The following MBD3L1 variants were observed in gnomAD, a reference collection of about 807,000 sequenced individuals.
MBD3L1 encodes methyl-CpG binding domain protein 3 like 1.
For missense variants in MBD3L1, 203 were observed against 230.1 expected, an observed-to-expected ratio of 0.88 and a Z score of 0.76; for synonymous variants, 84 against 85.1, an observed-to-expected ratio of 0.99 and a Z score of 0.07.
chr19:8,839,284 AC>A (rs1435505819), intron 1 of MBD3L1, among the ~76,000 whole-genome samples: 1 of 143,964 alleles, frequency 6.9e-6, no homozygotes, highest in Admixed American at 7.2e-5. Context: ...TCCCAGGTTC[AC>A]GCCATTCTCC....
intron 2 of MBD3L1, chr19:8,842,454 G>A: frequency 1.9e-6 from 1 of 519,486 alleles, no homozygotes; most frequent in Non-Finnish European, 3.4e-6. Flanking sequence ...AACAAGGAGG[G>A]GGTTTGCAGG....
intron 1 of MBD3L1, among the ~76,000 whole-genome samples, chr19:8,836,969 T>G (rs956673653): frequency 2.0e-5 from 3 of 152,326 alleles, no homozygotes; most frequent in East Asian, 1.9e-4. Context: ...ACAAAGGCTA[T>G]GAACCACACA....
intron 1 of MBD3L1, among the ~76,000 whole-genome samples, chr19:8,832,838 C>G (rs1216414296): frequency 6.6e-6 from 1 of 151,772 alleles, no homozygotes; most frequent in Non-Finnish European, 1.5e-5. Context: ...TGTGACAGCC[C>G]TGGAGGTTGG....
chr19:8,834,469 G>C (rs759782567), intron 1 of MBD3L1, among the ~76,000 whole-genome samples: 2 of 151,990 alleles, frequency 1.3e-5, no homozygotes, highest in Non-Finnish European at 2.9e-5. Flanking sequence ...TTAGCTGGGC[G>C]TGGTGGCGGG....
Position 8,834,477 on chromosome 19 carries a change from G to T in MBD3L1, c.-107+1955G>T, listed in dbSNP as rs538872795. Among the ~76,000 whole-genome samples the T allele has an allele frequency of 9.6e-4, 145 of 151,824 alleles. 3 individuals carry two copies. The highest frequency in any genetic ancestry group is 3.4e-3 in the African/African-American group (139 of 41,428). On this transcript the variant is annotated intron_variant, in intron 1 of 2. Coordinates refer to ENST00000595891, the MANE Select transcript of MBD3L1 (RefSeq NM_001393532.1). ...ACCAAAATTAGCTGGGCGTGGTGGC[G>T]GGCGCCTATAGTCCCAGCTACTCGG...
chr19:8,837,416 G>A (rs2145346185), intron 1 of MBD3L1, among the ~76,000 whole-genome samples: 1 of 152,300 alleles, frequency 6.6e-6, no homozygotes, highest in East Asian at 1.9e-4. Flanking sequence ...TTACAATCGG[G>A]ATATATTGTT....
At chr19:8,834,361 G>A (rs1181194089) in intron 1 of MBD3L1, among the ~76,000 whole-genome samples, 10 of 152,082 alleles carry the variant, frequency 6.6e-5, no homozygotes, top group Admixed American at 6.5e-4. Flanking sequence ...TGTAACCCCA[G>A]CACTTTGGGA....
intron 2 of MBD3L1, among the ~76,000 whole-genome samples, chr19:8,841,800 G>A (rs371403051): frequency 3.9e-5 from 6 of 152,030 alleles, no homozygotes; most frequent in African/African-American, 7.2e-5. Context: ...CAAGCGATTC[G>A]CCTGCCTTGG....
At position 8,842,452 on chromosome 19, in the gene MBD3L1, G is replaced by A. The variant is rs2044523123; in HGVS notation, c.-21-206G>A. 1.2e-5 allele frequency: 6 copies of A among 515,434 alleles called. No individual in the cohort carries two copies. In the South Asian group the frequency reaches 1.6e-4, roughly 14 times the overall value. 31.9% of individuals were successfully genotyped at this position (515,434 alleles called of 1,614,324 possible). ...GAATAAAATAGTACTCAAACAAGGA[G>A]GGGGTTTGCAGGATGATGAAGGAGA... On this transcript the variant is annotated intron_variant, in intron 2 of 2. Coordinates refer to ENST00000595891, the MANE Select transcript of MBD3L1 (RefSeq NM_001393532.1).
In MBD3L1 at chr19:8,840,514, T is replaced by C. The variant is rs1472232784; in HGVS notation, c.-106-401T>C. 2.6e-5 allele frequency among the ~76,000 whole-genome samples: 4 copies of C among 152,270 alleles called. No individual in the cohort carries two copies. In the East Asian group the frequency reaches 7.7e-4, roughly 29 times the overall value. ...AGATGGGGGTCCCCCTACGTTGCCC[T>C]GACTGGTCTCAAACTCCTGTGTTCA... On this transcript the variant is annotated intron_variant, in intron 1 of 2. Coordinates refer to ENST00000595891, the MANE Select transcript of MBD3L1 (RefSeq NM_001393532.1).
At chr19:8,842,090 G>A (rs973988845) in intron 2 of MBD3L1, among the ~76,000 whole-genome samples, 2 of 152,122 alleles carry the variant, frequency 1.3e-5, no homozygotes, top group Non-Finnish European at 2.9e-5. Context: ...CACTTTGGGA[G>A]GTCGAGGGGG....
intron 1 of MBD3L1, among the ~76,000 whole-genome samples, chr19:8,839,170 T>C (rs1206574213): frequency 1.1e-4 from 15 of 139,594 alleles, no homozygotes; most frequent in Non-Finnish European, 2.0e-4. Context: ...GATTTTCTTT[T>C]TTTTCTTTTC....
chr19:8,842,060 G>A (rs8101173), intron 2 of MBD3L1, among the ~76,000 whole-genome samples: 3,780 of 151,994 alleles, frequency 0.025, 184 homozygotes, highest in African/African-American at 0.086. Context: ...GGGCACGGTC[G>A]CCCATGCCTG....
chr19:8,840,012 T>C (rs1017651897), intron 1 of MBD3L1, among the ~76,000 whole-genome samples: 1 of 151,934 alleles, frequency 6.6e-6, no homozygotes, highest in Non-Finnish European at 1.5e-5. Flanking sequence ...CGAAACCCCA[T>C]CGCTACTAAA....
At chr19:8,840,307 T>A (rs1309249415) in intron 1 of MBD3L1, among the ~76,000 whole-genome samples, 1 of 151,880 alleles carries the variant, frequency 6.6e-6, no homozygotes, top group African/African-American at 2.4e-5. Flanking sequence ...AGGAAACATA[T>A]TTATGTATTT....
At chr19:8,840,685 C>T (rs984900159) in intron 1 of MBD3L1, among the ~76,000 whole-genome samples, 6 of 152,204 alleles carry the variant, frequency 3.9e-5, no homozygotes, top group East Asian at 1.9e-4. Flanking sequence ...TGGCAACTAA[C>T]GTCTTTGGGA....
At position 8,840,980 on chromosome 19, in the gene MBD3L1, C is replaced by T. The variant is rs1157444979; in HGVS notation, c.-41C>T. On this transcript the variant is annotated 5_prime_UTR_variant, in exon 2 of 3. Coordinates refer to ENST00000595891, the MANE Select transcript of MBD3L1 (RefSeq NM_001393532.1). ...GGGACCTTCCAAGTTTGAAGTTTTA[C>T]AAGGCAGGTGTGATAAGTGGTAAGG... 1 of 150,672 alleles carries T rather than the reference C, an allele frequency of 6.6e-6. No homozygotes were observed. Among genetic ancestry groups the T allele is most frequent in the East Asian group, 1.9e-4 (1 of 5,146 alleles). The allele number at this position is 150,672 out of a possible 1,614,324, so 9.3% of individuals were successfully genotyped here. A position where few individuals can be genotyped will look rare whatever the true frequency, so the allele number is the denominator to read the frequency against.
chr19:8,833,724 T>TA (rs2044416659), intron 1 of MBD3L1, among the ~76,000 whole-genome samples: 1 of 151,446 alleles, frequency 6.6e-6, no homozygotes, highest in South Asian at 2.1e-4. Flanking sequence ...CCTGGTGGCT[T>TA]ACGCTTGTAA....
In MBD3L1 at chr19:8,836,229, G is replaced by A. The variant is rs1461043624; in HGVS notation, c.-107+3707G>A. Among the ~76,000 whole-genome samples the A allele has an allele frequency of 1.3e-5, 2 of 152,152 alleles. 1 individual carries two copies. Among genetic ancestry groups the A allele is most frequent in the African/African-American group, 4.8e-5 (2 of 41,430 alleles). On this transcript the variant is annotated intron_variant, in intron 1 of 2. Transcript: ENST00000595891. ...TAAATTCTTCAGTTAGGCATAATAA[G>A]AGAATAAAAGTGGAAAAATAAAATA...
Sources: gnomAD v4.1 joint callset for allele counts (sites outside exome capture counted in the v4.1 genomes callset) on GRCh38, gnomAD v4.1.1 for gene constraint, MANE v1.5 for transcripts, NCBI Gene and HGNC (gene_info 2026-07-23, HGNC 2026-07-21) for gene names.